The following FILIP1L variants were observed in gnomAD, a reference collection of about 807,000 sequenced individuals.
FILIP1L encodes filamin A-interacting protein 1-like.
Under a neutral mutation model 96.6 loss-of-function variants are expected in FILIP1L, and 55 were observed. That is an observed-to-expected ratio of 0.57 (90% CI 0.46 to 0.71). FILIP1L has a LOEUF of 0.71. FILIP1L is among the 30% of genes least tolerant of loss of function. FILIP1L has a pLI of 0.00. For synonymous variants in FILIP1L, 467 were observed against 473.9 expected (o/e 0.99, Z 0.19); for missense variants, 1,304 against 1,321.2 (o/e 0.99, Z 0.20).
intron 4 of FILIP1L, among the ~76,000 whole-genome samples, chr3:99,908,011 A>G (rs951117176): frequency 6.6e-6 from 1 of 152,232 alleles, no homozygotes; most frequent in Non-Finnish European, 1.5e-5. Context: ...TGTGTATTGA[A>G]TATTTGTAAA....
chr3:99,882,306 T>C (rs891597417), intron 4 of FILIP1L, among the ~76,000 whole-genome samples: 2 of 152,220 alleles, frequency 1.3e-5, no homozygotes, highest in Non-Finnish European at 2.9e-5. Flanking sequence ...AGGTGGCTTC[T>C]AATTGTAAAA....
intron 5 of FILIP1L, among the ~76,000 whole-genome samples, chr3:99,835,744 G>A (rs1247978520): frequency 6.6e-6 from 1 of 152,036 alleles, no homozygotes. Context: ...GCATAGGAGG[G>A]GTAACAAATA....
At chr3:99,847,369 G>A (rs1297350004) in intron 5 of FILIP1L, among the ~76,000 whole-genome samples, 1 of 150,220 alleles carries the variant, frequency 6.7e-6, no homozygotes, top group Admixed American at 6.6e-5. Flanking sequence ...TTGCTTTGAA[G>A]TAGAGTGTTC....
At chr3:99,963,991 T>A (rs1708570663) in intron 1 of FILIP1L, among the ~76,000 whole-genome samples, 1 of 152,136 alleles carries the variant, frequency 6.6e-6, no homozygotes. Flanking sequence ...AGCTCCCAGG[T>A]ACAACCAAGG....
chr3:100,096,877 C>T (rs781478913), intron 1 of FILIP1L, among the ~76,000 whole-genome samples: 1 of 151,802 alleles, frequency 6.6e-6, no homozygotes, highest in Non-Finnish European at 1.5e-5. Flanking sequence ...CTCATATACC[C>T]CATAAATATA....
intron 1 of FILIP1L, among the ~76,000 whole-genome samples, chr3:100,034,382 A>G (rs1183914826): frequency 1.3e-5 from 2 of 152,224 alleles, no homozygotes; most frequent in Non-Finnish European, 2.9e-5. Context: ...GCAGAATGTT[A>G]GCATTCTGAT....
chr3:100,077,960 G>A (rs1294184374), intron 1 of FILIP1L, among the ~76,000 whole-genome samples: 1 of 152,006 alleles, frequency 6.6e-6, no homozygotes, highest in Admixed American at 6.6e-5. Context: ...AGGACACCCA[G>A]TTTCACTTAC....
At chr3:100,045,118 T>C (rs2107301658) in intron 1 of FILIP1L, among the ~76,000 whole-genome samples, 1 of 152,320 alleles carries the variant, frequency 6.6e-6, no homozygotes, top group African/African-American at 2.4e-5. Context: ...TCACAAGAGA[T>C]GTAGGCTAGA....
chr3:99,937,116 T>G (rs1290696393), intron 1 of FILIP1L, among the ~76,000 whole-genome samples: 1 of 152,040 alleles, frequency 6.6e-6, no homozygotes, highest in Non-Finnish European at 1.5e-5. Context: ...TTTTGTATTT[T>G]TAGTAGAGAT....
intron 1 of FILIP1L, among the ~76,000 whole-genome samples, chr3:100,037,451 G>GACACAC (rs66489523): frequency 2.6e-5 from 4 of 151,308 alleles, no homozygotes; most frequent in East Asian, 3.9e-4. Context: ...AAAGCAAACA[G>GACACAC]ACACACACAC....
chr3:100,025,210 G>A (rs967718115), intron 1 of FILIP1L, among the ~76,000 whole-genome samples: 10 of 152,084 alleles, frequency 6.6e-5, no homozygotes, highest in South Asian at 4.1e-4. Flanking sequence ...AGTAGGGCTC[G>A]TCCTTCTTGC....
intron 1 of FILIP1L, among the ~76,000 whole-genome samples, chr3:100,070,394 A>T (rs1005660189): frequency 6.6e-6 from 1 of 152,200 alleles, no homozygotes. Flanking sequence ...AGAAAATTTT[A>T]TACTAGTGCC....
At chr3:100,044,173 C>T (rs114176570) in intron 1 of FILIP1L, among the ~76,000 whole-genome samples, 77 of 152,308 alleles carry the variant, frequency 5.1e-4, no homozygotes, top group African/African-American at 1.6e-3. Context: ...GAGCCAGTTA[C>T]TTGCCTCGTT....
Position 99,829,471 on chromosome 3 carries a change from G to A in FILIP1L, c.*943C>T, listed in dbSNP as rs1341088864. ...ATTCAACATTTTGTATTAATAGTTG[G>A]GCATATTCATAGGTTATCAGAACTG... On this transcript the variant is annotated 3_prime_UTR_variant, in exon 6 of 6. Coordinates refer to ENST00000477258, the MANE Select transcript of FILIP1L (RefSeq NM_001387850.1). 1.3e-5 allele frequency among the ~76,000 whole-genome samples: 2 copies of A among 152,052 alleles called. No individual in the cohort carries two copies. Among genetic ancestry groups the A allele is most frequent in the African/African-American group, 4.8e-5 (2 of 41,406 alleles).
intron 3 of FILIP1L, among the ~76,000 whole-genome samples, chr3:99,924,611 C>T (rs568172615): frequency 2.6e-5 from 4 of 152,276 alleles, no homozygotes; most frequent in South Asian, 2.1e-4. Context: ...TTCCGCCTCC[C>T]GGGTTTAAGC....
At chr3:100,008,519 T>C (rs1710053170) in intron 1 of FILIP1L, among the ~76,000 whole-genome samples, 1 of 152,214 alleles carries the variant, frequency 6.6e-6, no homozygotes, top group Non-Finnish European at 1.5e-5. Flanking sequence ...GAGGAAGTGC[T>C]GGTGATGTCA....
At chr3:100,078,941 G>T (rs2065892303) in intron 1 of FILIP1L, among the ~76,000 whole-genome samples, 2 of 152,058 alleles carry the variant, frequency 1.3e-5, no homozygotes, top group East Asian at 3.9e-4. Flanking sequence ...TTTTAAGAAA[G>T]TTCACTAATT....
chr3:99,876,197 G>A (rs1705510528), intron 4 of FILIP1L: 2 of 985,336 alleles, frequency 2.0e-6, no homozygotes, highest in South Asian at 9.4e-5. Flanking sequence ...AGCGCGCCCG[G>A]CCTATGGGCG....
chr3:99,853,991 TG>T, intron 4 of FILIP1L, among the ~76,000 whole-genome samples: 1 of 152,290 alleles, frequency 6.6e-6, no homozygotes, highest in East Asian at 1.9e-4. Flanking sequence ...ACACATTGTG[TG>T]GTTGTACATG....
Sources: gnomAD v4.1 joint callset for allele counts (sites outside exome capture counted in the v4.1 genomes callset) on GRCh38, gnomAD v4.1.1 for gene constraint, MANE v1.5 for transcripts, NCBI Gene and HGNC (gene_info 2026-07-23, HGNC 2026-07-21) for gene names.